Variants in NXPH2 observed in about 807,000 individuals in gnomAD.
NXPH2 encodes the protein neurexophilin-2.
In NXPH2, 5 loss-of-function variants were observed where a neutral mutation model predicts 19.8. The ratio of observed to expected loss-of-function variants is 0.25; its 90% CI spans 0.13 to 0.53. The LOEUF is 0.53. Among genes scored for constraint, NXPH2 ranks in the 20% least tolerant of loss-of-function variants. The probability of loss-of-function intolerance (pLI) is 0.96; values close to 1 mark genes in which losing one functional copy is unlikely to be tolerated. For synonymous variants in NXPH2, 154 were observed against 127.4 expected (o/e 1.21, Z -1.41); for missense variants, 289 against 322.8 (o/e 0.90, Z 0.80).
intron 1 of NXPH2, among the ~76,000 whole-genome samples, chr2:138,732,996 A>C (rs1278474266): frequency 1.3e-5 from 2 of 152,194 alleles, no homozygotes. Flanking sequence ...AGCTGCTGTG[A>C]CTTCTTCCTC....
At chr2:138,681,599 A>G (rs2104969649) in intron 1 of NXPH2, among the ~76,000 whole-genome samples, 1 of 152,340 alleles carries the variant, frequency 6.6e-6, no homozygotes, top group East Asian at 1.9e-4. Context: ...TTGACTTTCC[A>G]GGACTAAGCT....
In NXPH2 at chr2:138,698,149, C is replaced by A. The variant is rs1003337894; in HGVS notation, c.52-26484G>T. 9.9e-5 allele frequency among the ~76,000 whole-genome samples: 15 copies of A among 152,052 alleles called. 1 individual carries two copies. The highest frequency in any genetic ancestry group is 9.8e-4 in the Admixed American group (15 of 15,258). On this transcript the variant is annotated intron_variant, in intron 1 of 1. Coordinates refer to ENST00000272641, the MANE Select transcript of NXPH2 (RefSeq NM_007226.3). ...ATGTTATTTATACTTTGATAAACTG[C>A]AAACAACCAAAATCTCTCAAATTTG...
chr2:138,737,253 A>G lies in NXPH2; in HGVS notation c.51+42938T>C, dbSNP rs561971847. Among the ~76,000 whole-genome samples the G allele has an allele frequency of 2.6e-5, 4 of 152,314 alleles. No homozygotes were observed. In the South Asian group the frequency reaches 8.3e-4, roughly 32 times the overall value. ...AAGACTGGAAAGAAAAAGAGGTTTA[A>G]TAGACTCACAGTTCCACATAGCTGG... On this transcript the variant is annotated intron_variant, in intron 1 of 1. Coordinates refer to ENST00000272641, the MANE Select transcript of NXPH2 (RefSeq NM_007226.3).
At chr2:138,770,126 A>C (rs1409213194) in intron 1 of NXPH2, among the ~76,000 whole-genome samples, 1 of 152,196 alleles carries the variant, frequency 6.6e-6, no homozygotes, top group Non-Finnish European at 1.5e-5. Flanking sequence ...TTCTTTTCCC[A>C]AAACAAAAAG....
At chr2:138,686,129 T>A (rs1181896485) in intron 1 of NXPH2, among the ~76,000 whole-genome samples, 1 of 152,230 alleles carries the variant, frequency 6.6e-6, no homozygotes, top group African/African-American at 2.4e-5. Flanking sequence ...TAAAACTTAA[T>A]CAATAAAGCA....
intron 1 of NXPH2, among the ~76,000 whole-genome samples, chr2:138,685,425 C>G (rs541409300): frequency 4.6e-5 from 7 of 152,296 alleles, no homozygotes; most frequent in African/African-American, 1.7e-4. Flanking sequence ...CTGTTGCTTT[C>G]TTGTATCCTC....
rs181342551 is a variant in NXPH2 at position 138,713,376 on chromosome 2, C to T, written c.52-41711G>A. ...GAGTGACAGATTATTTGTCCCCCAG[C>T]CATCTTTAGAAGCTTCCAAAGGAAG... On this transcript the variant is annotated intron_variant, in intron 1 of 1. Transcript: ENST00000272641. Among the ~76,000 whole-genome samples the T allele has an allele frequency of 1.7e-3, 263 of 152,250 alleles. 2 individuals carry two copies. Among genetic ancestry groups the T allele is most frequent in the African/African-American group, 6.1e-3 (254 of 41,542 alleles).
At chr2:138,764,649 CTA>C (rs1682065285) in intron 1 of NXPH2, among the ~76,000 whole-genome samples, 2 of 152,238 alleles carry the variant, frequency 1.3e-5, no homozygotes, top group African/African-American at 4.8e-5. Context: ...ATAGGACTAT[CTA>C]TCTATCTATC....
chr2:138,709,319 T>A (rs1263584362), intron 1 of NXPH2, among the ~76,000 whole-genome samples: 1 of 152,208 alleles, frequency 6.6e-6, no homozygotes, highest in East Asian at 1.9e-4. Flanking sequence ...TTATTTTATT[T>A]TGGTGAAATA....
chr2:138,733,542 T>C (rs1681484491), intron 1 of NXPH2, among the ~76,000 whole-genome samples: 1 of 152,152 alleles, frequency 6.6e-6, no homozygotes, highest in South Asian at 2.1e-4. Flanking sequence ...TGGAGAGACA[T>C]GTGAAGTCTT....
At chr2:138,732,201 CA>C (rs1479443875) in intron 1 of NXPH2, among the ~76,000 whole-genome samples, 1 of 152,118 alleles carries the variant, frequency 6.6e-6, no homozygotes, top group Non-Finnish European at 1.5e-5. Flanking sequence ...CACAATGTGT[CA>C]AAAGGAGGGC....
At chr2:138,700,159 A>G (rs6722531) in intron 1 of NXPH2, among the ~76,000 whole-genome samples, 142,879 of 152,214 alleles carry the variant, frequency 0.94, 67,337 homozygotes, top group East Asian at 1. Context: ...AATAAGCAGA[A>G]CCCAAGTCCC....
intron 1 of NXPH2, among the ~76,000 whole-genome samples, chr2:138,762,334 T>C (rs561115628): frequency 4.6e-5 from 7 of 152,190 alleles, no homozygotes; most frequent in African/African-American, 1.7e-4. Flanking sequence ...TTAATAAAAA[T>C]TCTTAATAAA....
chr2:138,721,282 A>G (rs1413827469), intron 1 of NXPH2, among the ~76,000 whole-genome samples: 1 of 151,972 alleles, frequency 6.6e-6, no homozygotes, highest in African/African-American at 2.4e-5. Flanking sequence ...TGGAGGTTGC[A>G]GTGAGCCGAG....
chr2:138,673,768 A>T (rs1680446436), intron 1 of NXPH2, among the ~76,000 whole-genome samples: 1 of 151,442 alleles, frequency 6.6e-6, no homozygotes, highest in East Asian at 1.9e-4. Flanking sequence ...ATGAGTCACC[A>T]TGCCTGGACT....
chr2:138,721,380 G>A (rs1331867035), intron 1 of NXPH2, among the ~76,000 whole-genome samples: 3 of 151,692 alleles, frequency 2.0e-5, no homozygotes, highest in Non-Finnish European at 4.4e-5. Context: ...AGCTGAGCCA[G>A]CCAGAAGACT....
At chr2:138,719,068 G>A (rs1681237820) in intron 1 of NXPH2, among the ~76,000 whole-genome samples, 1 of 152,158 alleles carries the variant, frequency 6.6e-6, no homozygotes. Context: ...GAGAGAATTA[G>A]AGATACAGTA....
At chr2:138,707,111 A>AAAAAAAAAAAAAAAC (rs1681029588) in intron 1 of NXPH2, among the ~76,000 whole-genome samples, 1 of 148,912 alleles carries the variant, frequency 6.7e-6, no homozygotes. Context: ...AAAAAAAAAA[A>AAAAAAAAAAAAAAAC]AGAGCAAGAA....
intron 1 of NXPH2, among the ~76,000 whole-genome samples, chr2:138,721,060 G>T (rs922830563): frequency 1.3e-5 from 2 of 152,136 alleles, no homozygotes; most frequent in African/African-American, 4.8e-5. Context: ...TTGCCAGAGG[G>T]GCTGAGTGTG....
Sources: allele counts gnomAD v4.1 joint callset (sites outside exome capture counted in the v4.1 genomes callset), GRCh38; gene constraint gnomAD v4.1.1; transcripts MANE v1.5; gene names NCBI Gene and HGNC (gene_info 2026-07-23, HGNC 2026-07-21).